The following PDZRN4 variants were observed in gnomAD, a reference collection of about 807,000 sequenced individuals.
PDZRN4 encodes the protein PDZ domain-containing RING finger protein 4.
Under a neutral mutation model 99.0 loss-of-function variants are expected in PDZRN4, and 70 were observed. The ratio of observed to expected loss-of-function variants is 0.71; its 90% CI spans 0.58 to 0.86. PDZRN4 has a LOEUF of 0.86. Ranked by LOEUF, PDZRN4 falls within the 40% of genes least tolerant of loss-of-function variation. The probability of loss-of-function intolerance (pLI) is 0.00; values close to 1 mark genes in which losing one functional copy is unlikely to be tolerated. For synonymous variants in PDZRN4, 551 were observed against 501.6 expected, an observed-to-expected ratio of 1.10 and a Z score of -1.32; for missense variants, 1,474 against 1,331.2, an observed-to-expected ratio of 1.11 and a Z score of -1.67.
At chr12:41,469,072 C>T (rs891332740) in intron 3 of PDZRN4, among the ~76,000 whole-genome samples, 2 of 151,848 alleles carry the variant, frequency 1.3e-5, no homozygotes, top group African/African-American at 4.8e-5. Flanking sequence ...CTCCTTTTCT[C>T]AGGAGGTTAC....
At position 41,573,554 on chromosome 12, in the gene PDZRN4, G is replaced by C. The variant is rs774974803; in HGVS notation, c.2775G>C (p.Met925Ile). The C allele has an allele frequency of 6.2e-7, 1 of 1,613,920 alleles. No individual in the cohort carries two copies. The highest frequency in any genetic ancestry group is 8.5e-7 in the Non-Finnish European group (1 of 1,179,968). Residue 925 changes from methionine to isoleucine, a missense_variant, in exon 10 of 10, where the codon ATG (methionine) becomes ATC (isoleucine). Coordinates refer to ENST00000402685, the MANE Select transcript of PDZRN4 (RefSeq NM_001164595.2). Reference sequence around the variant, plus strand: ...AGATCAAGGAAGAGCGGAGTGGCATGACCACAGACGATGACACCATGAGCG... The same window carrying C: ...AGATCAAGGAAGAGCGGAGTGGCATCACCACAGACGATGACACCATGAGCG... Reference protein sequence around the residue: ...ALKIKEERSGMTTDDDTMSEM... With the variant: ...ALKIKEERSGITTDDDTMSEM...
chr12:41,241,738 T>C (rs1951103193), intron 3 of PDZRN4, among the ~76,000 whole-genome samples: 4 of 152,202 alleles, frequency 2.6e-5, no homozygotes, highest in African/African-American at 9.7e-5. Context: ...TAAGATAATA[T>C]TAAAAGTGTT....
intron 3 of PDZRN4, among the ~76,000 whole-genome samples, chr12:41,271,530 G>C (rs1951314420): frequency 6.6e-6 from 1 of 152,014 alleles, no homozygotes; most frequent in Non-Finnish European, 1.5e-5. Context: ...CTTGAATCTT[G>C]CCAATTAAAA....
In PDZRN4 at chr12:41,253,236, T is replaced by A. The variant is rs920468464; in HGVS notation, c.843+59048T>A. On this transcript the variant is annotated intron_variant, in intron 3 of 9. Transcript: ENST00000402685. ...GCTTTTGAAGTCTTACACAAAAAAATCTTTGCCTAGCTTAATATCCTGAAA... is the reference window on the plus strand; with the variant it reads ...GCTTTTGAAGTCTTACACAAAAAAAACTTTGCCTAGCTTAATATCCTGAAA... Among the ~76,000 whole-genome samples, 5 of 152,106 alleles carry A rather than the reference T, an allele frequency of 3.3e-5. No individual in the cohort carries two copies. The East Asian group carries it at 9.7e-4, about 29-fold the overall frequency.
At chr12:41,367,793 A>C (rs1952012571) in intron 3 of PDZRN4, among the ~76,000 whole-genome samples, 1 of 152,068 alleles carries the variant, frequency 6.6e-6, no homozygotes, top group Non-Finnish European at 1.5e-5. Context: ...AATTAAATTA[A>C]TTATAATATA....
intron 3 of PDZRN4, among the ~76,000 whole-genome samples, chr12:41,217,631 A>C (rs757815439): frequency 4.6e-5 from 7 of 152,136 alleles, no homozygotes; most frequent in African/African-American, 1.7e-4. Context: ...GTTAAAAATC[A>C]GTTTAGCCTG....
chr12:41,188,465 G>A lies in PDZRN4; in HGVS notation c.10G>A (p.Ala4Thr), dbSNP rs1230583065. MGF[A>T]LERFAEAVDP... The stretch of plus-strand genomic sequence containing the variant: ...CTTCCCCATCCCTAACATGGGCTTT[G>A]CCCTGGAGCGCTTCGCAGAAGCCGT... Residue 4 changes from alanine to threonine, a missense_variant, in exon 1 of 10, where the codon GCC becomes ACC. Physicochemically the swap from Ala to Thr is moderately conservative, Grantham distance 58 (BLOSUM62 0). Coordinates refer to ENST00000402685, the MANE Select transcript of PDZRN4 (RefSeq NM_001164595.2). 1 of 1,590,022 alleles carries A rather than the reference G, an allele frequency of 6.3e-7. No individual in the cohort carries two copies. The highest frequency in any genetic ancestry group is 8.5e-7 in the Non-Finnish European group (1 of 1,175,860).
chr12:41,432,304 CA>C (rs1406184338), intron 3 of PDZRN4, among the ~76,000 whole-genome samples: 2 of 152,136 alleles, frequency 1.3e-5, no homozygotes, highest in African/African-American at 4.8e-5. Flanking sequence ...GGATTTGAAT[CA>C]AACTAAAAAT....
At chr12:41,479,227 G>T (rs563917599) in intron 3 of PDZRN4, among the ~76,000 whole-genome samples, 9 of 152,098 alleles carry the variant, frequency 5.9e-5, no homozygotes, top group African/African-American at 1.7e-4. Flanking sequence ...TTTATTGATA[G>T]AAAGAAAAGC....
At chr12:41,527,674 A>G (rs1417474834) in intron 5 of PDZRN4, among the ~76,000 whole-genome samples, 1 of 152,200 alleles carries the variant, frequency 6.6e-6, no homozygotes, top group East Asian at 1.9e-4. Flanking sequence ...CCACTGACCA[A>G]AGTCATTTGG....
chr12:41,377,482 G>A (rs1330305756), intron 3 of PDZRN4, among the ~76,000 whole-genome samples: 2 of 152,132 alleles, frequency 1.3e-5, no homozygotes, highest in African/African-American at 4.8e-5. Context: ...GGCTAACACG[G>A]TGAAACCCTA....
At position 41,188,886 on chromosome 12, in the gene PDZRN4, G is replaced by C; in HGVS notation, c.431G>C (p.Gly144Ala). 1.8e-6 allele frequency: 2 copies of C among 1,101,274 alleles called. No homozygotes were observed. Among genetic ancestry groups the C allele is most frequent in the Non-Finnish European group, 2.2e-6 (2 of 905,854 alleles). 68.2% of individuals were successfully genotyped at this position (1,101,274 alleles called of 1,614,324 possible). A position where few individuals can be genotyped will look rare whatever the true frequency, so the allele number is the denominator to read the frequency against. Residue 144 changes from glycine (G) to alanine (A), a missense_variant, in exon 1 of 10, where the codon GGC becomes GCC. By Grantham distance (60) the Gly-to-Ala change is moderately conservative. Coordinates refer to ENST00000402685, the MANE Select transcript of PDZRN4 (RefSeq NM_001164595.2). ...GPTPRAGRGG[G>A]ARGGPPGGRW... ...ACACCCAGGGCTGGCCGGGGCGGGG[G>C]CGCGCGCGGGGGGCCGCCGGGCGGC...
chr12:41,391,157 C>T (rs1952208573), intron 3 of PDZRN4, among the ~76,000 whole-genome samples: 1 of 152,130 alleles, frequency 6.6e-6, no homozygotes, highest in Non-Finnish European at 1.5e-5. Flanking sequence ...TTGATAGAAA[C>T]TTATTTGGAT....
At chr12:41,514,068 A>G (rs951298206) in intron 5 of PDZRN4, among the ~76,000 whole-genome samples, 1 of 152,104 alleles carries the variant, frequency 6.6e-6, no homozygotes, top group Non-Finnish European at 1.5e-5. Flanking sequence ...TTATGCGTCC[A>G]ATATCATAAA....
intron 3 of PDZRN4, among the ~76,000 whole-genome samples, chr12:41,343,451 G>A (rs1951830877): frequency 6.6e-6 from 1 of 151,518 alleles, no homozygotes; most frequent in African/African-American, 2.4e-5. Context: ...TTTTAGTTCT[G>A]CTCTGAATTC....
intron 5 of PDZRN4, among the ~76,000 whole-genome samples, chr12:41,543,955 G>A (rs1938904299): frequency 6.6e-6 from 1 of 152,150 alleles, no homozygotes; most frequent in Non-Finnish European, 1.5e-5. Flanking sequence ...AAAGAAAAAG[G>A]TGTAATTCTG....
intron 3 of PDZRN4, among the ~76,000 whole-genome samples, chr12:41,282,203 A>G (rs1289109087): frequency 1.3e-5 from 2 of 152,216 alleles, no homozygotes; most frequent in Non-Finnish European, 2.9e-5. Flanking sequence ...GGAAAGCAAA[A>G]AAAACAGGGG....
intron 5 of PDZRN4, among the ~76,000 whole-genome samples, chr12:41,546,070 A>G (rs1239220343): frequency 1.3e-5 from 2 of 152,186 alleles, no homozygotes; most frequent in Non-Finnish European, 2.9e-5. Context: ...TGGCAAGGAA[A>G]GTAGAGTATA....
At chr12:41,382,291 G>A (rs1305773473) in intron 3 of PDZRN4, among the ~76,000 whole-genome samples, 2 of 152,126 alleles carry the variant, frequency 1.3e-5, no homozygotes, top group African/African-American at 4.8e-5. Context: ...GCGTCAGACT[G>A]TGCTCTACAA....
Sources: allele counts gnomAD v4.1 joint callset (sites outside exome capture counted in the v4.1 genomes callset), GRCh38; gene constraint gnomAD v4.1.1; transcripts MANE v1.5; gene names NCBI Gene and HGNC (gene_info 2026-07-23, HGNC 2026-07-21).